STAC2: variants seen among roughly 807,000 people sequenced by gnomAD.
STAC2 encodes the protein SH3 and cysteine rich domain 2.
STAC2 carries 36 observed loss-of-function variants against 49.0 expected under a neutral mutation model. The observed-to-expected ratio is 0.74, with a 90% CI of 0.56 to 0.97. The LOEUF (loss-of-function observed/expected upper bound fraction) is 0.97. Ranked by LOEUF, STAC2 falls within the 50% of genes least tolerant of loss-of-function variation. The pLI is 0.00. For missense variants in STAC2, 527 were observed against 543.8 expected (o/e 0.97, Z 0.31); for synonymous variants, 239 against 214.7 (o/e 1.11, Z -0.99).
rs796747450 is a variant in STAC2, at chr17:39,215,711, C to CT, written c.587-482dup. On this transcript the variant is annotated intron_variant, in intron 4 of 10. Coordinates refer to ENST00000333461, the MANE Select transcript of STAC2 (RefSeq NM_198993.5). ...CCTCGTACCCATGGTCTCGTTTTTT[C>CT]TTTTTTTTTCGAGACGGAGTCTCGC... Among the ~76,000 whole-genome samples, 111 of 151,324 alleles carry CT rather than the reference C, an allele frequency of 7.3e-4. 1 individual carries two copies. The highest frequency in any genetic ancestry group is 2.4e-3 in the African/African-American group (101 of 41,306).
chr17:39,218,203 G>A, intron 1 of STAC2, 30 bp from the exon 2 acceptor site: 1 of 1,612,316 alleles, frequency 6.2e-7, no homozygotes, highest in Non-Finnish European at 8.5e-7. Context: ...CTGTGAGTGG[G>A]AGCCTAGAGG....
At chr17:39,217,308 ACAGT>A in intron 2 of STAC2, 135 bp from the exon 3 acceptor site, 1 of 782,090 alleles carries the variant, frequency 1.3e-6, no homozygotes, top group South Asian at 1.6e-5. Context: ...TACCCCTCAC[ACAGT>A]CAGGGTATGA....
At chr17:39,222,719 C>T (rs1199515334) in intron 1 of STAC2, among the ~76,000 whole-genome samples, 1 of 152,168 alleles carries the variant, frequency 6.6e-6, no homozygotes, top group African/African-American at 2.4e-5. Context: ...TCCCTCCCAA[C>T]GCATCCAGAG....
At chr17:39,224,770 C>G (rs1418765660) in intron 1 of STAC2, among the ~76,000 whole-genome samples, 1 of 152,196 alleles carries the variant, frequency 6.6e-6, no homozygotes, top group East Asian at 1.9e-4. Context: ...CCCCCGTCCT[C>G]GCCCGTGACC....
chr17:39,221,847 G>C (rs2046466107), intron 1 of STAC2, among the ~76,000 whole-genome samples: 1 of 152,184 alleles, frequency 6.6e-6, no homozygotes, highest in Non-Finnish European at 1.5e-5. Flanking sequence ...CAATCAGAGA[G>C]TTTAGGGTGA....
chr17:39,217,148 A>C lies in STAC2; in HGVS notation c.423T>G (p.Cys141Trp). 6.2e-7 allele frequency: 1 copy of C among 1,613,894 alleles called. No individual in the cohort carries two copies. The highest frequency in any genetic ancestry group is 8.5e-7 in the Non-Finnish European group (1 of 1,179,930). ...IVGNSKQGLR[C>W]KMCKVSVHLW... is the part of the protein sequence containing the mutation. The stretch of plus-strand genomic sequence containing the variant: ...GGTGGACGCTGACTTTGCACATCTT[A>C]CATCGCAAGCCCTGTTTGGAGTTTC... The change falls in exon 3 of 11, where the codon TGT (cysteine) becomes TGG (tryptophan). Residue 141 changes from cysteine (C) to tryptophan (W), a missense_variant. Coordinates refer to ENST00000333461, the MANE Select transcript of STAC2 (RefSeq NM_198993.5).
Position 39,225,584 on chromosome 17 carries a change from G to T in STAC2, c.-82C>A, listed in dbSNP as rs904016959. 1.5e-5 allele frequency: 20 copies of T among 1,357,544 alleles called. No homozygotes were observed. In the African/African-American group the frequency reaches 2.2e-4, roughly 15 times the overall value. 84.1% of individuals were successfully genotyped at this position (1,357,544 alleles called of 1,614,324 possible). The stretch of plus-strand genomic sequence containing the variant: ...CAGGCTGCGGGTGGCGGGCGTCTCC[G>T]GGACTCTGAAGCCGTTCTCCAGAGG... On this transcript the variant is annotated 5_prime_UTR_variant, in exon 1 of 11. Transcript: ENST00000333461. This position sits in a 1 kb window ranked among gnomAD's most constrained non-coding sequence, Gnocchi z 8.2.
At chr17:39,218,498 G>A (rs1228800296) in intron 1 of STAC2, among the ~76,000 whole-genome samples, 1 of 152,182 alleles carries the variant, frequency 6.6e-6, no homozygotes, top group African/African-American at 2.4e-5. Flanking sequence ...AGCCAATTGA[G>A]GCTGTTGCCA....
chr17:39,216,785 G>C (rs1426689186), intron 4 of STAC2, 25 bp downstream of exon 4: 2 of 1,561,202 alleles, frequency 1.3e-6, no homozygotes, highest in African/African-American at 2.7e-5. Context: ...TGGGAGCAGG[G>C]ACTGCGGCCA....
chr17:39,215,220 C>G lies in STAC2; in HGVS notation c.597G>C (p.Gly199=). ...SKESPPTGDS[G]KVDPVYETLR... ...GGGTCTCGTAGACAGGGTCCACCTT[C>G]CCACTGTCCCCTGCAGATTATCCAC... Residue 199 remains glycine (G), a synonymous_variant, in exon 5 of 11, where the codon GGG becomes GGC. Coordinates refer to ENST00000333461, the MANE Select transcript of STAC2 (RefSeq NM_198993.5). 1 of 1,613,894 alleles carries G rather than the reference C, an allele frequency of 6.2e-7. No homozygotes were observed. The highest frequency in any genetic ancestry group is 8.5e-7 in the Non-Finnish European group (1 of 1,179,870).
chr17:39,217,833 C>G, intron 2 of STAC2, 34 bp downstream of exon 2: 5 of 1,571,958 alleles, frequency 3.2e-6, no homozygotes, highest in Non-Finnish European at 4.3e-6. Context: ...ACGCTGGCCC[C>G]TCCCCGTGGC....
intron 1 of STAC2, 90 bp from the exon 2 acceptor site, chr17:39,218,263 G>GGCAGCAGCAGCAGCAGCAGCA (rs553618301): frequency 1.9e-5 from 25 of 1,350,392 alleles, no homozygotes; most frequent in Non-Finnish European, 2.5e-5. Context: ...CGGTAGGGGC[G>GGCAGCAGCAGCAGCAGCAGCA]GCAGCAGCAG....
rs201455475 is a variant in STAC2 at position 39,218,056 on chromosome 17, G to A, written c.208C>T (p.Pro70Ser). The change falls in exon 2 of 11, where the codon CCC becomes TCC. Residue 70 changes from proline (P) to serine (S), a missense_variant. Pro to Ser is a moderately conservative substitution (Grantham distance 74). Transcript: ENST00000333461. ...LKCPTEVLLT[P>S]PTPLPPPSPP... ...GAGGGAGGGGGCAGTGGGGTTGGGGGCGTCAGCAGCACCTCGGTGGGGCAC... is the reference window on the plus strand; with the variant it reads ...GAGGGAGGGGGCAGTGGGGTTGGGGACGTCAGCAGCACCTCGGTGGGGCAC... 17 of 1,609,962 alleles carry A rather than the reference G, an allele frequency of 1.1e-5. No homozygotes were observed. The highest frequency in any genetic ancestry group is 4.5e-5 in the East Asian group (2 of 44,874).
intron 8 of STAC2, 66 bp from the exon 9 acceptor site, chr17:39,213,624 C>A (rs2046374486): frequency 1.2e-5 from 19 of 1,526,188 alleles, no homozygotes; most frequent in East Asian, 4.5e-5. Context: ...TCCTAGCAGA[C>A]CCTGGGCACC....
At chr17:39,216,743 G>A in intron 4 of STAC2, 67 bp downstream of exon 4, 3 of 1,444,908 alleles carry the variant, frequency 2.1e-6, no homozygotes, top group Non-Finnish European at 2.8e-6. Context: ...GGCCAGGCTG[G>A]TCAGGGATGT....
chr17:39,224,577 G>T (rs997146209), intron 1 of STAC2, among the ~76,000 whole-genome samples: 3 of 152,208 alleles, frequency 2.0e-5, no homozygotes, highest in African/African-American at 7.2e-5. Context: ...GCCTTCGCGG[G>T]GAGTAATTTA....
chr17:39,222,029 A>G (rs932103896), intron 1 of STAC2, among the ~76,000 whole-genome samples: 3 of 152,292 alleles, frequency 2.0e-5, no homozygotes, highest in East Asian at 1.9e-4. Flanking sequence ...GTGCTTCCCC[A>G]TATAGAGCTG....
At chr17:39,212,870 CGCTT>C (rs2046366342) in intron 10 of STAC2, 121 bp downstream of exon 10, 6 of 1,465,808 alleles carry the variant, frequency 4.1e-6, no homozygotes, top group Non-Finnish European at 5.5e-6. Context: ...CTTTCTAACC[CGCTT>C]TCCCCTCAAC....
Position 39,218,051 on chromosome 17 carries a change from T to TG in STAC2, c.212dup (p.Thr72AsnfsTer51). The stretch of plus-strand genomic sequence containing the variant: ...GTGGGGAGGGAGGGGGCAGTGGGGT[T>TG]GGGGGCGTCAGCAGCACCTCGGTGG... On this transcript the variant is annotated frameshift_variant, in exon 2 of 11. Transcript: ENST00000333461. LOFTEE classifies it high-confidence loss of function. 1 of 1,495,818 alleles carries TG rather than the reference T, an allele frequency of 6.7e-7. No individual in the cohort carries two copies. The highest frequency in any genetic ancestry group is 9.2e-7 in the Non-Finnish European group (1 of 1,088,322). 92.7% of individuals were successfully genotyped at this position (1,495,818 alleles called of 1,614,324 possible).
Sources: allele counts gnomAD v4.1 joint callset (sites outside exome capture counted in the v4.1 genomes callset), GRCh38; gene constraint gnomAD v4.1.1; non-coding constraint Gnocchi (gnomAD v3.1); transcripts MANE v1.5; gene names NCBI Gene and HGNC (gene_info 2026-07-23, HGNC 2026-07-21).